FRK: variants seen among roughly 807,000 people sequenced by gnomAD.
FRK encodes the protein tyrosine-protein kinase FRK.
In FRK, 51 loss-of-function variants were observed where a neutral mutation model predicts 56.4. The observed-to-expected ratio is 0.90, with a 90% CI of 0.72 to 1.14. The LOEUF is 1.14. Among genes scored for constraint, FRK ranks in the 50% most tolerant of loss-of-function variants. The pLI is 0.00. For missense variants in FRK, 570 were observed against 601.4 expected (o/e 0.95, Z 0.55); for synonymous variants, 245 against 217.9 (o/e 1.12, Z -1.10).
chr6:116,021,366 C>T (rs570059395), intron 1 of FRK, among the ~76,000 whole-genome samples: 33 of 152,028 alleles, frequency 2.2e-4, no homozygotes, highest in African/African-American at 5.5e-4. Context: ...CATGAGGAAA[C>T]GTTTCATAAT....
chr6:116,074,578 T>C, the FRK span, among the ~76,000 whole-genome samples: 2 of 152,200 alleles, frequency 1.3e-5, no homozygotes, highest in African/African-American at 2.4e-5. Flanking sequence ...TTTTCATAGA[T>C]AGCAAAATTT....
chr6:116,085,965 G>A, the FRK span, among the ~76,000 whole-genome samples: 2 of 151,898 alleles, frequency 1.3e-5, no homozygotes, highest in Non-Finnish European at 2.9e-5. Flanking sequence ...GCTGTAAGCA[G>A]CATTTATTCA....
intron 1 of FRK, among the ~76,000 whole-genome samples, chr6:116,044,366 A>G (rs952569231): frequency 6.6e-6 from 1 of 152,222 alleles, no homozygotes; most frequent in Non-Finnish European, 1.5e-5. Context: ...ATCCAGCAAC[A>G]TATAAAAAGT....
At chr6:116,094,017 C>G in the FRK span, among the ~76,000 whole-genome samples, 1 of 152,174 alleles carries the variant, frequency 6.6e-6, no homozygotes, top group Non-Finnish European at 1.5e-5. Flanking sequence ...AGGCCGCAGC[C>G]TTAGTCATGG....
At chr6:115,992,437 T>A (rs534766712) in intron 2 of FRK, among the ~76,000 whole-genome samples, 41 of 151,938 alleles carry the variant, frequency 2.7e-4, no homozygotes, top group African/African-American at 9.4e-4. Context: ...GAAAGTGCTA[T>A]GATAAATGAG....
intron 1 of FRK, among the ~76,000 whole-genome samples, chr6:116,045,307 G>A (rs1776905297): frequency 6.6e-6 from 1 of 152,132 alleles, no homozygotes; most frequent in Non-Finnish European, 1.5e-5. Flanking sequence ...CAAAGCTGGA[G>A]GCATCATGCC....
intron 5 of FRK, among the ~76,000 whole-genome samples, chr6:115,948,341 A>G (rs981319131): frequency 6.6e-6 from 1 of 152,202 alleles, no homozygotes; most frequent in Admixed American, 6.5e-5. Flanking sequence ...CCTTCAGATG[A>G]CTGGGTACTT....
At chr6:116,057,285 A>G (rs931321260) in intron 1 of FRK, among the ~76,000 whole-genome samples, 1 of 152,226 alleles carries the variant, frequency 6.6e-6, no homozygotes, top group Non-Finnish European at 1.5e-5. Flanking sequence ...AGCATTCAGG[A>G]GAAAAAAATA....
In FRK at chr6:116,032,899, A is replaced by T. The variant is rs573240989; in HGVS notation, c.344+27069T>A. On this transcript the variant is annotated intron_variant, in intron 1 of 7. Coordinates refer to ENST00000606080, the MANE Select transcript of FRK (RefSeq NM_002031.3). ...ATAAATAATGGAATTCATGCCTGTG[A>T]TAAGCAAAAAAATAAAAATAAAAAT... Among the ~76,000 whole-genome samples, 4 of 152,244 alleles carry T rather than the reference A, an allele frequency of 2.6e-5. No individual in the cohort carries two copies. In the South Asian group the frequency reaches 8.3e-4, roughly 32 times the overall value.
rs1771963423 is a variant in FRK at position 115,931,855 on chromosome 6, A to T, written c.*10559T>A. The T allele has an allele frequency of 6.6e-6, 1 of 152,102 alleles. No homozygotes were observed. Among genetic ancestry groups the T allele is most frequent in the Non-Finnish European group, 1.5e-5 (1 of 68,010 alleles). 9.4% of individuals were successfully genotyped at this position (152,102 alleles called of 1,614,324 possible). The stretch of plus-strand genomic sequence containing the variant: ...TTTAACCACTTTTTCCCAACATACA[A>T]CTTCTGGTTATTAGGTAATATGACT... On this transcript the variant is annotated 3_prime_UTR_variant, in exon 8 of 8. Coordinates refer to ENST00000606080, the MANE Select transcript of FRK (RefSeq NM_002031.3).
chr6:116,100,445 CTAT>C, the FRK span, among the ~76,000 whole-genome samples: 3 of 152,202 alleles, frequency 2.0e-5, no homozygotes, highest in Non-Finnish European at 4.4e-5. Context: ...TGAATTTTTT[CTAT>C]GATCTTACTA....
chr6:115,968,503 A>T lies in FRK; in HGVS notation c.630+73T>A, dbSNP rs1302649770. ...AATTTTTTTCCTGAACTGATATTCCATGAAAAATACTCAGATATCTGAAGG... is the reference window on the plus strand; with the variant it reads ...AATTTTTTTCCTGAACTGATATTCCTTGAAAAATACTCAGATATCTGAAGG... On this transcript the variant is annotated intron_variant, in intron 3 of 7. Coordinates refer to ENST00000606080, the MANE Select transcript of FRK (RefSeq NM_002031.3). 9 of 1,533,732 alleles carry T rather than the reference A, an allele frequency of 5.9e-6. No individual in the cohort carries two copies. In the South Asian group the frequency reaches 1.1e-4, roughly 19 times the overall value.
chr6:116,030,477 G>C (rs1202563749), intron 1 of FRK, among the ~76,000 whole-genome samples: 1 of 152,080 alleles, frequency 6.6e-6, no homozygotes, highest in Non-Finnish European at 1.5e-5. Context: ...GGTGATAGGA[G>C]CATCTTTTGT....
intron 1 of FRK, among the ~76,000 whole-genome samples, chr6:116,037,673 T>C (rs1323103419): frequency 6.6e-6 from 1 of 152,238 alleles, no homozygotes; most frequent in Non-Finnish European, 1.5e-5. Flanking sequence ...ATTCTCACTT[T>C]ACTTGTTTTC....
chr6:116,080,820 C>T, the FRK span, among the ~76,000 whole-genome samples: 121 of 152,182 alleles, frequency 8.0e-4, no homozygotes, highest in Non-Finnish European at 1.4e-3. Flanking sequence ...ATTGTTTGCC[C>T]TTGATTGACA....
rs1393123534 is a variant in FRK, at chr6:115,935,691, G to A, written c.*6723C>T. On this transcript the variant is annotated 3_prime_UTR_variant, in exon 8 of 8. Coordinates refer to ENST00000606080, the MANE Select transcript of FRK (RefSeq NM_002031.3). ...GGGCCGTCTGCCATTGCTGAAGCTT[G>A]AGTAGGCATTTTACCCTCACAGTCT... is the stretch of plus-strand genomic sequence containing the variant. 1 of 152,394 alleles carries A rather than the reference G, an allele frequency of 6.6e-6. No individual in the cohort carries two copies. The highest frequency in any genetic ancestry group is 1.5e-5 in the Non-Finnish European group (1 of 68,192). The allele number at this position is 152,394 out of a possible 1,614,324, so 9.4% of individuals were successfully genotyped here. A position where few individuals can be genotyped will look rare whatever the true frequency, so the allele number is the denominator to read the frequency against.
At chr6:116,049,860 C>A (rs147219556) in intron 1 of FRK, among the ~76,000 whole-genome samples, 17 of 152,286 alleles carry the variant, frequency 1.1e-4, no homozygotes, top group African/African-American at 3.6e-4. Flanking sequence ...ATTAAGAATT[C>A]TTTCTATGAA....
chr6:115,988,875 C>G (rs950167896), intron 2 of FRK, among the ~76,000 whole-genome samples: 1 of 151,924 alleles, frequency 6.6e-6, no homozygotes, highest in African/African-American at 2.4e-5. Flanking sequence ...ACCTGAAATA[C>G]AAACTGAACT....
chr6:116,024,454 C>T (rs1776005674), intron 1 of FRK, among the ~76,000 whole-genome samples: 2 of 150,588 alleles, frequency 1.3e-5, no homozygotes, highest in South Asian at 4.3e-4. Context: ...TGTGATGTTC[C>T]CCTTCTTGTG....
Sources: gnomAD v4.1 joint callset for allele counts (sites outside exome capture counted in the v4.1 genomes callset) on GRCh38, gnomAD v4.1.1 for gene constraint, MANE v1.5 for transcripts, NCBI Gene and HGNC (gene_info 2026-07-23, HGNC 2026-07-21) for gene names.